The following DOCK1 variants were observed in gnomAD, a reference collection of about 807,000 sequenced individuals.
The protein encoded by DOCK1 is dedicator of cytokinesis 1.
DOCK1 carries 138 observed loss-of-function variants against 262.7 expected under a neutral mutation model. That is an observed-to-expected ratio of 0.53 (90% confidence interval 0.46 to 0.61). DOCK1 has a LOEUF of 0.61. Among genes scored for constraint, DOCK1 ranks in the 20% least tolerant of loss-of-function variants. The pLI, the probability that DOCK1 is intolerant of heterozygous loss-of-function variation, is 0.00. For missense variants in DOCK1, 1,908 were observed against 2,370.7 expected (o/e 0.80, Z 4.05); for synonymous variants, 866 against 867.4 (o/e 1.00, Z 0.03).
intron 1 of DOCK1, among the ~76,000 whole-genome samples, chr10:126,931,683 C>T (rs1201757028): frequency 3.3e-5 from 5 of 152,288 alleles, no homozygotes; most frequent in East Asian, 3.9e-4. Context: ...GGAAGCCATT[C>T]TGAAGCGGGA....
chr10:127,376,543 T>A (rs1394209229), intron 35 of DOCK1, among the ~76,000 whole-genome samples: 5 of 152,234 alleles, frequency 3.3e-5, no homozygotes, highest in Non-Finnish European at 7.3e-5. Flanking sequence ...TACTTCACTG[T>A]CTTCTTGCAT....
chr10:127,417,107 G>C (rs11017982), intron 44 of DOCK1, among the ~76,000 whole-genome samples: 14,202 of 152,258 alleles, frequency 0.093, 776 homozygotes, highest in South Asian at 0.16. Flanking sequence ...CAGGCAGTCC[G>C]CTAGAGGCTG....
chr10:127,006,315 C>A (rs912058946), intron 10 of DOCK1, among the ~76,000 whole-genome samples: 1 of 152,230 alleles, frequency 6.6e-6, no homozygotes, highest in Non-Finnish European at 1.5e-5. Context: ...CTTGTCCCAA[C>A]GCCACTGCCT....
chr10:127,201,955 A>G (rs2057480237), intron 27 of DOCK1, among the ~76,000 whole-genome samples: 1 of 152,158 alleles, frequency 6.6e-6, no homozygotes, highest in Non-Finnish European at 1.5e-5. Flanking sequence ...CACCAGTCTC[A>G]TTGAGCCTGC....
chr10:127,024,817 C>T, intron 15 of DOCK1, 34 bp downstream of exon 15: 1 of 1,528,046 alleles, frequency 6.5e-7, no homozygotes, highest in Non-Finnish European at 8.9e-7. Context: ...TCACATGGCG[C>T]TGATTATGAA....
chr10:127,331,308 G>A (rs1192103076), intron 29 of DOCK1, among the ~76,000 whole-genome samples: 2 of 152,116 alleles, frequency 1.3e-5, no homozygotes, highest in African/African-American at 4.8e-5. Flanking sequence ...TTTAGACAGA[G>A]TCTTGCTCTT....
chr10:127,237,387 G>A (rs979612669), intron 27 of DOCK1, among the ~76,000 whole-genome samples: 2 of 149,774 alleles, frequency 1.3e-5, no homozygotes, highest in Non-Finnish European at 3.0e-5. Context: ...AAGACAAAGA[G>A]TATTATAAAC....
intron 27 of DOCK1, among the ~76,000 whole-genome samples, chr10:127,178,000 G>A (rs895160909): frequency 1.3e-5 from 2 of 152,168 alleles, no homozygotes; most frequent in African/African-American, 4.8e-5. Context: ...AGACCCAGCT[G>A]TCCAACAGAC....
intron 27 of DOCK1, among the ~76,000 whole-genome samples, chr10:127,214,701 G>A (rs1012512224): frequency 1.3e-4 from 20 of 152,112 alleles, no homozygotes; most frequent in South Asian, 2.1e-4. Flanking sequence ...AACACACCCC[G>A]GGGTAGGATT....
At chr10:126,958,341 A>G (rs1223767906) in intron 1 of DOCK1, among the ~76,000 whole-genome samples, 1 of 152,194 alleles carries the variant, frequency 6.6e-6, no homozygotes, top group Non-Finnish European at 1.5e-5. Flanking sequence ...TGTAATACGC[A>G]GGAATGTTGC....
At chr10:127,043,461 T>C (rs775867404) in intron 21 of DOCK1, among the ~76,000 whole-genome samples, 7 of 152,224 alleles carry the variant, frequency 4.6e-5, no homozygotes, top group Non-Finnish European at 1.0e-4. Flanking sequence ...GGATGCGGAG[T>C]GTCTGACACC....
chr10:127,203,007 T>C (rs2057541025), intron 27 of DOCK1, among the ~76,000 whole-genome samples: 1 of 152,226 alleles, frequency 6.6e-6, no homozygotes, highest in South Asian at 2.1e-4. Flanking sequence ...CGTCCCTCAT[T>C]ATCTCACTGT....
chr10:127,416,537 T>A (rs2068164148), intron 44 of DOCK1, among the ~76,000 whole-genome samples: 2 of 152,094 alleles, frequency 1.3e-5, no homozygotes, highest in Non-Finnish European at 2.9e-5. Flanking sequence ...TCGGGCTGCT[T>A]TGGCCATTTT....
intron 31 of DOCK1, among the ~76,000 whole-genome samples, chr10:127,344,048 GTGGT>G (rs754457381): frequency 2.0e-5 from 3 of 152,168 alleles, no homozygotes; most frequent in Non-Finnish European, 2.9e-5. Context: ...CATTTCACAT[GTGGT>G]TGACTTTATT....
chr10:126,973,409 T>C (rs1186762891), intron 2 of DOCK1, among the ~76,000 whole-genome samples: 3 of 152,146 alleles, frequency 2.0e-5, no homozygotes, highest in African/African-American at 7.2e-5. Flanking sequence ...ATGTGTTTTT[T>C]AAACAGTGGA....
rs1368187856 is a variant in DOCK1 at position 127,362,232 on chromosome 10, G to C, written c.3432+20G>C. 2.5e-6 allele frequency: 4 copies of C among 1,607,510 alleles called. No homozygotes were observed. In the African/African-American group the frequency reaches 5.4e-5, roughly 22 times the overall value. ...CAAATGGTAAGGACGTAGATGTGCA[G>C]CGAGTGGCCGGGGGACATGAGGGAG... On this transcript the variant is annotated intron_variant, in intron 33 of 51. Transcript: ENST00000623213.
At chr10:127,018,965 A>G in intron 13 of DOCK1, 130 bp downstream of exon 13, 2 of 1,362,930 alleles carry the variant, frequency 1.5e-6, no homozygotes, top group Middle Eastern at 2.4e-4. Flanking sequence ...GTGACCCTGT[A>G]AGCCCCAGCA....
chr10:127,417,435 C>T (rs2068227033), intron 44 of DOCK1, among the ~76,000 whole-genome samples: 1 of 149,182 alleles, frequency 6.7e-6, no homozygotes, highest in African/African-American at 2.4e-5. Context: ...CGCACTGGAG[C>T]CAGGAGGACA....
At chr10:127,108,384 G>A (rs1388579397) in intron 24 of DOCK1, among the ~76,000 whole-genome samples, 1 of 152,000 alleles carries the variant, frequency 6.6e-6, no homozygotes, top group East Asian at 1.9e-4. Flanking sequence ...TCAGGAATTC[G>A]AGACCAACCT....
Sources: gnomAD v4.1 joint callset for allele counts (sites outside exome capture counted in the v4.1 genomes callset) on GRCh38, gnomAD v4.1.1 for gene constraint, MANE v1.5 for transcripts, NCBI Gene and HGNC (gene_info 2026-07-23, HGNC 2026-07-21) for gene names.